ADGRE1: variants seen among roughly 807,000 people sequenced by gnomAD.
ADGRE1 encodes the protein adhesion G protein-coupled receptor E1.
In ADGRE1, 82 loss-of-function variants were observed where a neutral mutation model predicts 102.7. That is an observed-to-expected ratio of 0.80 (90% CI 0.67 to 0.96). The LOEUF (loss-of-function observed/expected upper bound fraction) is 0.96. Among genes scored for constraint, ADGRE1 ranks in the 40% least tolerant of loss-of-function variants. The pLI, the probability that ADGRE1 is intolerant of heterozygous loss-of-function variation, is 0.00. For synonymous variants in ADGRE1, 398 were observed against 399.6 expected, an observed-to-expected ratio of 1.00 and a Z score of 0.05; for missense variants, 1,032 against 1,085.3, an observed-to-expected ratio of 0.95 and a Z score of 0.69.
intron 5 of ADGRE1, chr19:6,898,177 A>G (rs1358697267): frequency 1.3e-6 from 1 of 762,792 alleles, no homozygotes; most frequent in Non-Finnish European, 2.1e-6. Flanking sequence ...CGTACCTTCC[A>G]TTGCTTGACA....
Position 6,896,060 on chromosome 19 carries a change from T to G in ADGRE1, c.95-338T>G, listed in dbSNP as rs148251876. Reference sequence around the variant, plus strand: ...TATTGCTGGCAATCCTTGGTGTTCCTTGGCTTCTAGACATATCACTCTGAT... The same window carrying G: ...TATTGCTGGCAATCCTTGGTGTTCCGTGGCTTCTAGACATATCACTCTGAT... On this transcript the variant is annotated intron_variant, in intron 2 of 20. Transcript: ENST00000312053. 6.0e-3 allele frequency: 1,148 copies of G among 191,154 alleles called. 4 individuals carry two copies. Among genetic ancestry groups the G allele is most frequent in the Non-Finnish European group, 9.8e-3 (914 of 93,706 alleles). The allele number at this position is 191,154 out of a possible 1,614,324, so 11.8% of individuals were successfully genotyped here.
At chr19:6,913,947 T>C in intron 11 of ADGRE1, 117 bp downstream of exon 11, 1 of 1,179,800 alleles carries the variant, frequency 8.5e-7, no homozygotes, top group Non-Finnish European at 1.2e-6. Flanking sequence ...TTTAAAAACT[T>C]TGAATTCACA....
intron 2 of ADGRE1, among the ~76,000 whole-genome samples, chr19:6,891,978 G>A (rs1162023540): frequency 6.6e-6 from 1 of 152,136 alleles, no homozygotes; most frequent in Non-Finnish European, 1.5e-5. Context: ...CACAGGGCAG[G>A]AGATGAGATG....
Position 6,903,935 on chromosome 19 carries a change from G to C in ADGRE1, c.787G>C (p.Gly263Arg), listed in dbSNP as rs1973858077. The change falls in exon 7 of 21, where the codon GGA (glycine) becomes CGA (arginine). Residue 263 changes from glycine to arginine, a missense_variant. Gly to Arg is a moderately radical substitution (Grantham distance 125, BLOSUM62 -2). Coordinates refer to ENST00000312053, the MANE Select transcript of ADGRE1 (RefSeq NM_001974.5). ...SNGQLNFTDQ[G>R]VECRDIDECR... ...TGGACAGTTGAATTTCACAGACCAAGGAGTGGAATGTAGAGGTGAGCAGAG... is the reference window on the plus strand; with the variant it reads ...TGGACAGTTGAATTTCACAGACCAACGAGTGGAATGTAGAGGTGAGCAGAG... The C allele has an allele frequency of 6.2e-7, 1 of 1,614,070 alleles. No homozygotes were observed. Among genetic ancestry groups the C allele is most frequent in the African/African-American group, 1.3e-5 (1 of 74,932 alleles).
At chr19:6,904,250 T>G (rs1466708193) in intron 8 of ADGRE1, 68 bp downstream of exon 8, 2 of 1,580,232 alleles carry the variant, frequency 1.3e-6, no homozygotes. Context: ...ATTCTCATTC[T>G]ACCCAACCTC....
chr19:6,916,335 G>C lies in ADGRE1; in HGVS notation c.1387G>C (p.Gly463Arg). ...AGCCAAGGGGGATAAGATGAAGATC[G>C]GGTGTTCCACAATTGAGGAATCTGA... ...LVAKGDKMKI[G>R]CSTIEESEST... The change falls in exon 12 of 21, where the codon GGG becomes CGG. Residue 463 changes from glycine to arginine, a missense_variant. By Grantham distance (125) the Gly-to-Arg change is moderately radical (BLOSUM62 -2). Transcript: ENST00000312053. The C allele has an allele frequency of 6.2e-7, 1 of 1,613,620 alleles. No homozygotes were observed. The highest frequency in any genetic ancestry group is 1.3e-5 in the African/African-American group (1 of 75,026).
At chr19:6,901,373 G>A (rs1973760255) in intron 5 of ADGRE1, among the ~76,000 whole-genome samples, 1 of 152,072 alleles carries the variant, frequency 6.6e-6, no homozygotes, top group Non-Finnish European at 1.5e-5. Context: ...AGAGATCAGA[G>A]GCCCAATAGA....
intron 17 of ADGRE1, among the ~76,000 whole-genome samples, chr19:6,934,599 T>C (rs35998668): frequency 3.5e-4 from 41 of 116,172 alleles, no homozygotes; most frequent in Non-Finnish European, 3.4e-5. Flanking sequence ...TTAATTTTTG[T>C]ATTTTTTTTT....
chr19:6,915,265 C>T (rs1330822878), intron 11 of ADGRE1, among the ~76,000 whole-genome samples: 2 of 152,092 alleles, frequency 1.3e-5, no homozygotes, highest in African/African-American at 4.8e-5. Context: ...GCTCGGCCTC[C>T]CAAAGTACTA....
intron 17 of ADGRE1, among the ~76,000 whole-genome samples, chr19:6,931,205 A>G (rs7246579): frequency 0.54 from 81,931 of 151,316 alleles, 24,498 homozygotes; most frequent in African/African-American, 0.8. Flanking sequence ...TTCTGTGCCT[A>G]GTTTCATTTG....
chr19:6,897,000 A>T (rs1973578593), intron 3 of ADGRE1, 149 bp from the exon 4 acceptor site: 1 of 764,872 alleles, frequency 1.3e-6, no homozygotes. Context: ...CAAGATGGGG[A>T]CATACCTTCC....
intron 5 of ADGRE1, among the ~76,000 whole-genome samples, chr19:6,898,905 G>A (rs1568338716): frequency 6.6e-6 from 1 of 152,018 alleles, no homozygotes; most frequent in African/African-American, 2.4e-5. Flanking sequence ...ACATGGTTTG[G>A]TCTTTTTTAC....
In ADGRE1 at chr19:6,940,221, C is replaced by A; in HGVS notation, c.*192C>A. The A allele has an allele frequency of 1.6e-6, 1 of 638,754 alleles. No individual in the cohort carries two copies. Among genetic ancestry groups the A allele is most frequent in the Non-Finnish European group, 2.7e-6 (1 of 370,158 alleles). The allele number at this position is 638,754 out of a possible 1,614,324, so 39.6% of individuals were successfully genotyped here. ...TGCACTGATGAGAAATCAGGCGTTTCTGCTCCAAACGACCATTTTATCTTC... is the reference window on the plus strand; with the variant it reads ...TGCACTGATGAGAAATCAGGCGTTTATGCTCCAAACGACCATTTTATCTTC... On this transcript the variant is annotated 3_prime_UTR_variant, in exon 21 of 21. Coordinates refer to ENST00000312053, the MANE Select transcript of ADGRE1 (RefSeq NM_001974.5).
At chr19:6,911,405 T>TG (rs755478151) in intron 10 of ADGRE1, among the ~76,000 whole-genome samples, 2 of 147,354 alleles carry the variant, frequency 1.4e-5, no homozygotes, top group Non-Finnish European at 1.5e-5. Flanking sequence ...TTTTTTTTTT[T>TG]GCTTGGGTCA....
chr19:6,891,807 G>C (rs1267606477), intron 2 of ADGRE1, among the ~76,000 whole-genome samples: 2 of 152,118 alleles, frequency 1.3e-5, no homozygotes, highest in African/African-American at 4.8e-5. Context: ...TTTTCTCAAG[G>C]AAGTGATGTT....
At chr19:6,913,451 C>T (rs1599739135) in intron 10 of ADGRE1, among the ~76,000 whole-genome samples, 1 of 151,912 alleles carries the variant, frequency 6.6e-6, no homozygotes, top group Non-Finnish European at 1.5e-5. Flanking sequence ...AAGTGCTGGG[C>T]TTACAAGTGT....
chr19:6,928,214 A>T lies in ADGRE1; in HGVS notation c.2289+3A>T. 1 of 1,614,188 alleles carries T rather than the reference A, an allele frequency of 6.2e-7. No individual in the cohort carries two copies. Among genetic ancestry groups the T allele is most frequent in the Admixed American group, 1.7e-5 (1 of 60,010 alleles). On this transcript the variant is annotated splice_donor_region_variant and intron_variant, in intron 17 of 20. Coordinates refer to ENST00000312053, the MANE Select transcript of ADGRE1 (RefSeq NM_001974.5). ...GGCCAGTTTGCACAGTTATAGTGGT[A>T]AGCAAATACTACAACAGCCTGGCGA...
intron 18 of ADGRE1, among the ~76,000 whole-genome samples, chr19:6,935,977 C>G (rs1050861261): frequency 3.3e-5 from 5 of 152,100 alleles, no homozygotes; most frequent in African/African-American, 1.2e-4. Flanking sequence ...TTTTACAGGT[C>G]AATTGTGTTT....
chr19:6,890,599 CG>C (rs1457317945), intron 2 of ADGRE1, 56 bp downstream of exon 2: 2 of 1,561,894 alleles, frequency 1.3e-6, no homozygotes, highest in Non-Finnish European at 1.7e-6. Context: ...GTTTTCTCCC[CG>C]GGGAAACATC....
Sources: gnomAD v4.1 joint callset for allele counts (sites outside exome capture counted in the v4.1 genomes callset) on GRCh38, gnomAD v4.1.1 for gene constraint, MANE v1.5 for transcripts, NCBI Gene and HGNC (gene_info 2026-07-23, HGNC 2026-07-21) for gene names.